Variants in HACE1 observed in about 807,000 individuals in gnomAD.
HACE1 encodes the protein E3 ubiquitin-protein ligase HACE1.
A neutral mutation model predicts 118.4 loss-of-function variants in HACE1; 73 were observed. The observed-to-expected ratio is 0.62, with a 90% confidence interval of 0.51 to 0.75. The LOEUF is 0.75. Among genes scored for constraint, HACE1 ranks in the 30% least tolerant of loss-of-function variants. The pLI is 0.00. For missense variants in HACE1, 749 were observed against 1,102.2 expected (o/e 0.68, Z 4.54); for synonymous variants, 368 against 374.8 (o/e 0.98, Z 0.21).
chr6:104,806,734 T>C (rs1442494418), intron 7 of HACE1, among the ~76,000 whole-genome samples: 1 of 152,178 alleles, frequency 6.6e-6, no homozygotes, highest in Non-Finnish European at 1.5e-5. Flanking sequence ...ATTGAGATAA[T>C]ACTCTCTTCA....
intron 10 of HACE1, 101 bp downstream of exon 10, chr6:104,795,478 C>T (rs574789175): frequency 7.7e-6 from 6 of 777,224 alleles, no homozygotes; most frequent in South Asian, 2.9e-5. Flanking sequence ...TTTATAACAT[C>T]GTTATCACTG....
At chr6:104,847,681 T>A (rs1296628152) in intron 4 of HACE1, among the ~76,000 whole-genome samples, 7 of 152,104 alleles carry the variant, frequency 4.6e-5, no homozygotes, top group Admixed American at 1.3e-4. Flanking sequence ...TCCATATCCA[T>A]CTTATTAGGC....
intron 16 of HACE1, 30 bp downstream of exon 16, chr6:104,776,982 TG>T (rs1256652048): frequency 2.8e-6 from 4 of 1,411,882 alleles, no homozygotes; most frequent in Middle Eastern, 2.1e-4. Context: ...TTACATACAG[TG>T]ATTTCTACAT....
At chr6:104,855,191 T>C (rs545120844) in intron 1 of HACE1, among the ~76,000 whole-genome samples, 1 of 152,296 alleles carries the variant, frequency 6.6e-6, no homozygotes, top group Admixed American at 6.5e-5. Context: ...ACGCCTGTAA[T>C]CCCAGCACTT....
At chr6:104,795,819 G>A in intron 9 of HACE1, 134 bp from the exon 10 acceptor site, 2 of 637,912 alleles carry the variant, frequency 3.1e-6, no homozygotes, top group South Asian at 3.7e-5. Context: ...TCTTGCATAA[G>A]TTTAAAAGCT....
intron 22 of HACE1, chr6:104,730,783 A>T (rs1775118107): frequency 4.3e-6 from 1 of 234,342 alleles, no homozygotes; most frequent in African/African-American, 2.3e-5. Flanking sequence ...CCCTGGGGCT[A>T]GCAAAATGCC....
chr6:104,816,658 A>G (rs1293811170), intron 6 of HACE1, among the ~76,000 whole-genome samples: 1 of 152,160 alleles, frequency 6.6e-6, no homozygotes, highest in Non-Finnish European at 1.5e-5. Context: ...TTAGAACCCC[A>G]TACAGGGCAC....
intron 7 of HACE1, among the ~76,000 whole-genome samples, chr6:104,802,256 A>G (rs1338534227): frequency 6.6e-6 from 1 of 152,204 alleles, no homozygotes; most frequent in African/African-American, 2.4e-5. Flanking sequence ...AGACTCCCAC[A>G]CAATAATAAT....
At chr6:104,767,368 C>G (rs993532087) in intron 19 of HACE1, among the ~76,000 whole-genome samples, 1 of 152,128 alleles carries the variant, frequency 6.6e-6, no homozygotes, top group Admixed American at 6.5e-5. Context: ...AGCTTAAAAG[C>G]TATTCCATTT....
At chr6:104,770,962 A>C (rs1183444975) in intron 19 of HACE1, among the ~76,000 whole-genome samples, 1 of 152,228 alleles carries the variant, frequency 6.6e-6, no homozygotes, top group Non-Finnish European at 1.5e-5. Context: ...TATCAGCTGA[A>C]GTGCTCTCGA....
At chr6:104,851,144 C>T (rs1016036502) in intron 2 of HACE1, 148 bp from the exon 3 acceptor site, 8 of 628,732 alleles carry the variant, frequency 1.3e-5, no homozygotes, top group East Asian at 3.1e-5. Flanking sequence ...AGTACAGTGG[C>T]GAGATCTTGG....
At chr6:104,839,107 C>T (rs1159336367) in intron 5 of HACE1, among the ~76,000 whole-genome samples, 1 of 152,056 alleles carries the variant, frequency 6.6e-6, no homozygotes, top group Non-Finnish European at 1.5e-5. Flanking sequence ...ATAAGAAATG[C>T]TGGCAAGGAT....
chr6:104,799,155 G>C (rs1336868408), intron 7 of HACE1, among the ~76,000 whole-genome samples: 1 of 152,210 alleles, frequency 6.6e-6, no homozygotes, highest in African/African-American at 2.4e-5. Context: ...TCTGTGCAAA[G>C]TCTGACTTAA....
At chr6:104,807,837 C>G (rs1771183739) in intron 7 of HACE1, among the ~76,000 whole-genome samples, 2 of 152,074 alleles carry the variant, frequency 1.3e-5, no homozygotes. Context: ...CCCTTTCTAT[C>G]ATAATTTTAG....
chr6:104,762,433 G>A (rs1426258581), intron 19 of HACE1, among the ~76,000 whole-genome samples: 3 of 152,120 alleles, frequency 2.0e-5, no homozygotes, highest in Non-Finnish European at 4.4e-5. Flanking sequence ...ATCATTCTCA[G>A]CAAACTATCA....
chr6:104,737,282 C>CAA (rs59915070), intron 22 of HACE1, among the ~76,000 whole-genome samples: 4,103 of 42,556 alleles, frequency 0.096, 362 homozygotes, highest in Non-Finnish European at 0.12. Flanking sequence ...GACTCTCTCT[C>CAA]AAAAAAAAAA....
intron 17 of HACE1, among the ~76,000 whole-genome samples, chr6:104,773,694 GCT>G (rs1562337704): frequency 6.6e-6 from 1 of 151,322 alleles, no homozygotes; most frequent in African/African-American, 2.4e-5. Flanking sequence ...TCCTCCCCTA[GCT>G]CTGTGTTTAA....
intron 11 of HACE1, among the ~76,000 whole-genome samples, chr6:104,791,192 C>A (rs1043742936): frequency 1.3e-5 from 2 of 152,082 alleles, no homozygotes; most frequent in African/African-American, 4.8e-5. Context: ...CTTTCAAAAG[C>A]ATGGTGGCTG....
intron 4 of HACE1, among the ~76,000 whole-genome samples, chr6:104,847,773 G>A (rs1261913269): frequency 1.3e-5 from 2 of 151,866 alleles, no homozygotes; most frequent in African/African-American, 4.8e-5. Flanking sequence ...AAGACACAAC[G>A]CATTTGTATA....
Sources: gnomAD v4.1 joint callset for allele counts (sites outside exome capture counted in the v4.1 genomes callset) on GRCh38, gnomAD v4.1.1 for gene constraint, MANE v1.5 for transcripts, NCBI Gene and HGNC (gene_info 2026-07-23, HGNC 2026-07-21) for gene names.